The following EXD1 variants were observed in gnomAD, a reference collection of about 807,000 sequenced individuals.
EXD1 encodes the protein piRNA biogenesis protein EXD1.
Under a neutral mutation model 49.1 loss-of-function variants are expected in EXD1, and 63 were observed. The ratio of observed to expected loss-of-function variants is 1.28; its 90% confidence interval spans 1.05 to 1.58. EXD1 has a LOEUF of 1.58. Ranked by LOEUF, EXD1 falls within the 40% of genes most tolerant of loss-of-function variation. The pLI is 0.00. For synonymous variants in EXD1, 234 were observed against 239.2 expected, an observed-to-expected ratio of 0.98 and a Z score of 0.20; for missense variants, 748 against 666.0, an observed-to-expected ratio of 1.12 and a Z score of -1.36.
chr15:41,219,977 T>C, intron 2 of EXD1, 79 bp from the exon 3 acceptor site: 1 of 1,127,980 alleles, frequency 8.9e-7, no homozygotes. Flanking sequence ...TCTCAAAATT[T>C]CCCAAGTCTG....
rs373725286 is a variant in EXD1 at position 41,195,939 on chromosome 15, A to G, written c.633T>C (p.Ile211=). ...AATCAGTTTATATACTTACCTTCAA[A>G]ATTCTCTTGTCTTCTAGTATCATCT... The part of the protein sequence containing the change: ...GLQMILEDKR[I]LKVIHDCRWL... The change falls in exon 8 of 12, where the codon ATT becomes ATC. Residue 211 remains isoleucine, a synonymous_variant. Transcript: ENST00000458580. 1.7e-5 allele frequency: 27 copies of G among 1,609,974 alleles called. No homozygotes were observed. Among genetic ancestry groups the G allele is most frequent in the Non-Finnish European group, 2.2e-5 (26 of 1,178,184 alleles).
In EXD1 at chr15:41,183,993, G is replaced by C. The variant is rs1041065849; in HGVS notation, c.1657C>G (p.Pro553Ala). 6.2e-7 allele frequency: 1 copy of C among 1,613,976 alleles called. No homozygotes were observed. Among genetic ancestry groups the C allele is most frequent in the African/African-American group, 1.3e-5 (1 of 75,050 alleles). The change falls in exon 12 of 12, where the codon CCT becomes GCT. Residue 553 changes from proline to alanine, a missense_variant. Coordinates refer to ENST00000458580, the MANE Select transcript of EXD1 (RefSeq NM_001286441.2). ...PIRKTVVSTL[P>A]PCPALEKIDS... is the part of the protein sequence containing the mutation. The stretch of plus-strand genomic sequence containing the variant: ...ATCTTCTCCAAGGCTGGACAGGGAG[G>C]GAGTGTGGAAACCACAGTCTTTCTG...
chr15:41,205,758 T>C (rs966739290), intron 7 of EXD1, among the ~76,000 whole-genome samples: 2 of 150,334 alleles, frequency 1.3e-5, no homozygotes, highest in African/African-American at 4.9e-5. Flanking sequence ...GAGGGAGGAA[T>C]AAAATGAGGC....
At chr15:41,203,948 T>G (rs917704763) in intron 7 of EXD1, among the ~76,000 whole-genome samples, 1 of 58,306 alleles carries the variant, frequency 1.7e-5, no homozygotes, top group East Asian at 5.3e-4. Context: ...AAAAAAACCC[T>G]AAAAATATTA....
In EXD1 at chr15:41,198,288, A is replaced by G. The variant is rs547997572; in HGVS notation, c.535-2251T>C. Among the ~76,000 whole-genome samples, 7 of 152,286 alleles carry G rather than the reference A, an allele frequency of 4.6e-5. No individual in the cohort carries two copies. The South Asian group carries it at 6.2e-4, about 14-fold the overall frequency. On this transcript the variant is annotated intron_variant, in intron 7 of 11. Transcript: ENST00000458580. Reference sequence around the variant, plus strand: ...CCATGATTAGAGGGCTGGGACTTTCATCCCCACTATCCAACCTCCAGGGAG... The same window carrying G: ...CCATGATTAGAGGGCTGGGACTTTCGTCCCCACTATCCAACCTCCAGGGAG...
intron 7 of EXD1, among the ~76,000 whole-genome samples, chr15:41,205,214 T>C (rs1331691600): frequency 1.3e-5 from 2 of 152,216 alleles, no homozygotes; most frequent in Non-Finnish European, 2.9e-5. Flanking sequence ...AAATTTTCCC[T>C]TGGCCCCTGC....
intron 5 of EXD1, among the ~76,000 whole-genome samples, 190 bp from the exon 6 acceptor site, chr15:41,216,023 T>C (rs1436102629): frequency 1.3e-5 from 2 of 152,214 alleles, no homozygotes; most frequent in South Asian, 2.1e-4. Context: ...ACTATTACAG[T>C]ATATATTTTA....
chr15:41,192,592 GCATT>G (rs1316300486), intron 9 of EXD1, among the ~76,000 whole-genome samples: 4,950 of 86,166 alleles, frequency 0.057, 1,557 homozygotes, highest in Middle Eastern at 0.08. Context: ...ACTGCGCCAG[GCATT>G]TTTTTTTTTT....
Position 41,192,594 on chromosome 15 carries a change from A to ATTTTTTTTTTTTTTTTTTTTTTTTTTTT in EXD1, c.721-1037_721-1010dup, listed in dbSNP as rs59054803. On this transcript the variant is annotated intron_variant, in intron 9 of 11. Transcript: ENST00000458580. The stretch of plus-strand genomic sequence containing the variant: ...ACAGGCGTGAACCACTGCGCCAGGC[A>ATTTTTTTTTTTTTTTTTTTTTTTTTTTT]TTTTTTTTTTTTTTTTTTTTTTTTT... 2.2e-4 allele frequency among the ~76,000 whole-genome samples: 9 copies of ATTTTTTTTTTTTTTTTTTTTTTTTTTTT among 40,838 alleles called. 4 individuals carry two copies. Among genetic ancestry groups the ATTTTTTTTTTTTTTTTTTTTTTTTTTTT allele is most frequent in the Admixed American group, 6.6e-4 (2 of 3,020 alleles). 26.8% of individuals were successfully genotyped at this position (40,838 alleles called of 152,430 possible).
chr15:41,186,303 C>T (rs2046406922), intron 11 of EXD1, among the ~76,000 whole-genome samples: 1 of 151,866 alleles, frequency 6.6e-6, no homozygotes, highest in Admixed American at 6.6e-5. Context: ...CAAACCCCAT[C>T]TCTACTAAAA....
At chr15:41,223,851 C>T (rs1390243803) in intron 2 of EXD1, among the ~76,000 whole-genome samples, 1 of 151,384 alleles carries the variant, frequency 6.6e-6, no homozygotes, top group African/African-American at 2.4e-5. Context: ...GGTGACACAG[C>T]GAGACTCTGT....
At chr15:41,189,915 G>A (rs757851518) in intron 11 of EXD1, 22 bp downstream of exon 11, 30 of 1,608,918 alleles carry the variant, frequency 1.9e-5, no homozygotes, top group Non-Finnish European at 2.3e-5. Context: ...AGGAGGTCCT[G>A]AAGACAGAGA....
chr15:41,221,576 T>A (rs565984145), intron 2 of EXD1, among the ~76,000 whole-genome samples: 33 of 151,822 alleles, frequency 2.2e-4, no homozygotes, highest in African/African-American at 7.5e-4. Context: ...TGCCTGGCAA[T>A]ACATTTTCTT....
rs2046991473 is a variant in EXD1 at position 41,215,807 on chromosome 15, T to C, written c.415A>G (p.Ile139Val). The C allele has an allele frequency of 6.2e-7, 1 of 1,614,092 alleles. No homozygotes were observed. Among genetic ancestry groups the C allele is most frequent in the Non-Finnish European group, 8.5e-7 (1 of 1,179,974 alleles). The change falls in exon 6 of 12, where the codon ATT becomes GTT. Residue 139 changes from isoleucine (I) to valine (V), a missense_variant. By Grantham distance (29) the Ile-to-Val change is conservative. Transcript: ENST00000458580. ...CCAAACTTCTGCTGGAATTGATTAA[T>C]GACTGTGTATGTCACCTCCTCTTCC... ...SEEEEVTYTVINQFQQKFGAA... is the reference protein window; with the variant it reads ...SEEEEVTYTVVNQFQQKFGAA...
At chr15:41,197,417 A>C (rs774720334) in intron 7 of EXD1, among the ~76,000 whole-genome samples, 20 of 151,058 alleles carry the variant, frequency 1.3e-4, no homozygotes, top group Non-Finnish European at 2.4e-4. Flanking sequence ...TTGTATTTTT[A>C]GTAGACATGA....
chr15:41,224,884 C>G (rs538423755), intron 2 of EXD1, among the ~76,000 whole-genome samples: 1 of 151,940 alleles, frequency 6.6e-6, no homozygotes, highest in Non-Finnish European at 1.5e-5. Context: ...GATCACTTGA[C>G]CCTGGGAAGT....
At chr15:41,211,424 C>G (rs1182348959) in intron 6 of EXD1, among the ~76,000 whole-genome samples, 2 of 151,982 alleles carry the variant, frequency 1.3e-5, no homozygotes, top group African/African-American at 4.8e-5. Context: ...AGTTCTTACC[C>G]TCATTTTTTT....
At position 41,184,494 on chromosome 15, in the gene EXD1, C is replaced by G. The variant is rs1444045561; in HGVS notation, c.1156G>C (p.Gly386Arg). The G allele has an allele frequency of 1.2e-6, 2 of 1,613,990 alleles. No individual in the cohort carries two copies. The highest frequency in any genetic ancestry group is 1.7e-6 in the Non-Finnish European group (2 of 1,180,038). Residue 386 changes from glycine (G) to arginine (R), a missense_variant, in exon 12 of 12, where the codon GGA (glycine) becomes CGA (arginine). Gly to Arg is a moderately radical substitution (Grantham distance 125). Transcript: ENST00000458580. ...TGTAGCACTGTCCTTATCAGGAGTC[C>G]CTGTGCATTCACCCTATATTCTCTT... is the stretch of plus-strand genomic sequence containing the variant. ...AAREYRVNAQGLLIRTVLQPK... is the reference protein window; with the variant it reads ...AAREYRVNAQRLLIRTVLQPK...
chr15:41,197,236 T>C (rs1052731625), intron 7 of EXD1, among the ~76,000 whole-genome samples: 3 of 150,968 alleles, frequency 2.0e-5, no homozygotes, highest in African/African-American at 4.9e-5. Context: ...TTTCTTTTTT[T>C]TTTTTTTTTG....
Sources: allele counts gnomAD v4.1 joint callset (sites outside exome capture counted in the v4.1 genomes callset), GRCh38; gene constraint gnomAD v4.1.1; transcripts MANE v1.5; gene names NCBI Gene and HGNC (gene_info 2026-07-23, HGNC 2026-07-21).